CTSO: variants seen among roughly 807,000 people sequenced by gnomAD.
The protein encoded by CTSO is cathepsin O.
CTSO carries 40 observed loss-of-function variants against 42.4 expected under a neutral mutation model. That is an observed-to-expected ratio of 0.94 (90% CI 0.73 to 1.23). The LOEUF (loss-of-function observed/expected upper bound fraction) is 1.23. Among genes scored for constraint, CTSO ranks in the 50% most tolerant of loss-of-function variants. The probability of loss-of-function intolerance (pLI) is 0.00; values close to 1 mark genes in which losing one functional copy is unlikely to be tolerated. For missense variants in CTSO, 441 were observed against 396.0 expected, an observed-to-expected ratio of 1.11 and a Z score of -0.96; for synonymous variants, 156 against 146.2, an observed-to-expected ratio of 1.07 and a Z score of -0.48.
At position 155,939,407 on chromosome 4, in the gene CTSO, T is replaced by C; in HGVS notation, c.516A>G (p.Gly172=). 1 of 1,614,030 alleles carries C rather than the reference T, an allele frequency of 6.2e-7. No homozygotes were observed. Among genetic ancestry groups the C allele is most frequent in the Non-Finnish European group, 8.5e-7 (1 of 1,179,920 alleles). ...DCSYNNYGCN[G]GSTLNALNWL... ...AGTTCAAAGCATTGAGAGTAGAGCC[T>C]CCATTGCAGCCATAATTATTATACG... Residue 172 remains glycine (G), a synonymous_variant, in exon 4 of 8, where the codon GGA becomes GGG. Transcript: ENST00000433477.
At chr4:155,940,539 C>A (rs550632898) in intron 3 of CTSO, among the ~76,000 whole-genome samples, 2 of 152,282 alleles carry the variant, frequency 1.3e-5, no homozygotes, top group African/African-American at 4.8e-5. Context: ...GACCATACAG[C>A]AGGGTCTCCA....
Position 155,929,531 on chromosome 4 carries a change from T to C in CTSO, c.838+11A>G, listed in dbSNP as rs774219606. ...CTGGAAAGCAGTCAACTGAGTCTTATCAGCACTTACCTGTTTTATCAAACC... is the reference window on the plus strand; with the variant it reads ...CTGGAAAGCAGTCAACTGAGTCTTACCAGCACTTACCTGTTTTATCAAACC... On this transcript the variant is annotated intron_variant, in intron 6 of 7. Coordinates refer to ENST00000433477, the MANE Select transcript of CTSO (RefSeq NM_001334.3). The C allele has an allele frequency of 6.2e-7, 1 of 1,608,664 alleles. No individual in the cohort carries two copies.
At chr4:155,938,882 G>A (rs910814000) in intron 4 of CTSO, among the ~76,000 whole-genome samples, 4 of 152,064 alleles carry the variant, frequency 2.6e-5, no homozygotes, top group East Asian at 1.9e-4. Context: ...ACTTGAACCC[G>A]GGAGGTGGAG....
Position 155,939,483 on chromosome 4 carries a change from A to C in CTSO, c.440T>G (p.Ile147Arg). 1 of 1,614,172 alleles carries C rather than the reference A, an allele frequency of 6.2e-7. No homozygotes were observed. The highest frequency in any genetic ancestry group is 8.5e-7 in the Non-Finnish European group (1 of 1,179,998). The change falls in exon 4 of 8, where the codon ATA becomes AGA. Residue 147 changes from isoleucine (I) to arginine (R), a missense_variant. Coordinates refer to ENST00000433477, the MANE Select transcript of CTSO (RefSeq NM_001334.3). ...TAGGTCTTCCAGGGGCTTCCCCTTT[A>C]TTGCATAAGCAGATTCCACTGCCCC... ...VVGAVESAYAIKGKPLEDLSV... is the reference protein window; with the variant it reads ...VVGAVESAYARKGKPLEDLSV...
At position 155,952,756 on chromosome 4, in the gene CTSO, G is replaced by T. The variant is rs1394856126; in HGVS notation, c.135+957C>A. Among the ~76,000 whole-genome samples the T allele has an allele frequency of 2.0e-5, 3 of 152,186 alleles. No homozygotes were observed. The East Asian group carries it at 5.8e-4, about 29-fold the overall frequency. ...GAAAAGAGCACAGCTATGAAATCCT[G>T]TGAGAAATTCCAACAAACACCAGGA... is the stretch of plus-strand genomic sequence containing the variant. On this transcript the variant is annotated intron_variant, in intron 1 of 7. Coordinates refer to ENST00000433477, the MANE Select transcript of CTSO (RefSeq NM_001334.3).
intron 1 of CTSO, among the ~76,000 whole-genome samples, chr4:155,946,840 T>C (rs2110933476): frequency 6.6e-6 from 1 of 152,326 alleles, no homozygotes; most frequent in Middle Eastern, 3.4e-3. Flanking sequence ...TGGAGGCTTC[T>C]GAACACAGCG....
chr4:155,934,580 C>T (rs1388916022), intron 5 of CTSO, among the ~76,000 whole-genome samples: 1 of 152,196 alleles, frequency 6.6e-6, no homozygotes, highest in African/African-American at 2.4e-5. Flanking sequence ...AGCACAGAGG[C>T]AGAGGTGCTC....
Position 155,929,653 on chromosome 4 carries a change from C to T in CTSO, c.727G>A (p.Val243Ile). ...KALLTFGPLV[V>I]IVDAVSWQDY... ...TGCCAGCTCACTGCATCTACTATGACTACCAAAGGGCCAAAGGTAAGAAGT... is the reference window on the plus strand; with the variant it reads ...TGCCAGCTCACTGCATCTACTATGATTACCAAAGGGCCAAAGGTAAGAAGT... The change falls in exon 6 of 8, where the codon GTC (valine) becomes ATC (isoleucine). Residue 243 changes from valine to isoleucine, a missense_variant. Val to Ile is a conservative substitution (Grantham distance 29, BLOSUM62 3). Transcript: ENST00000433477. 6.2e-7 allele frequency: 1 copy of T among 1,613,966 alleles called. No individual in the cohort carries two copies. Among genetic ancestry groups the T allele is most frequent in the Non-Finnish European group, 8.5e-7 (1 of 1,179,986 alleles).
chr4:155,949,083 T>C (rs1743601061), intron 1 of CTSO, among the ~76,000 whole-genome samples: 1 of 152,246 alleles, frequency 6.6e-6, no homozygotes, highest in Non-Finnish European at 1.5e-5. Flanking sequence ...CTGAATGCAC[T>C]AAATACAAAG....
At chr4:155,948,176 C>CTGATTA (rs1478288694) in intron 1 of CTSO, among the ~76,000 whole-genome samples, 1 of 151,990 alleles carries the variant, frequency 6.6e-6, no homozygotes, top group African/African-American at 2.4e-5. Context: ...AGAAATTATC[C>CTGATTA]TGATTATAAA....
rs568834958 is a variant in CTSO at position 155,946,667 on chromosome 4, GCC to G, written c.136-3405_136-3404del. Among the ~76,000 whole-genome samples, 806 of 152,154 alleles carry G rather than the reference GCC, an allele frequency of 5.3e-3. 7 individuals are homozygous for G. The highest frequency in any genetic ancestry group is 0.019 in the African/African-American group (778 of 41,506). The stretch of plus-strand genomic sequence containing the variant: ...TCCTGTCATTTCACAGCTCTCCATA[GCC>G]CATGTCAGGGCTACTCAATCTTTAT... On this transcript the variant is annotated intron_variant, in intron 1 of 7. Coordinates refer to ENST00000433477, the MANE Select transcript of CTSO (RefSeq NM_001334.3).
At chr4:155,928,240 A>T in intron 7 of CTSO, 96 bp downstream of exon 7, 1 of 759,330 alleles carries the variant, frequency 1.3e-6, no homozygotes, top group Non-Finnish European at 2.0e-6. Context: ...AAAAATTATT[A>T]CTGCTAAAGT....
At position 155,925,955 on chromosome 4, in the gene CTSO, G is replaced by A; in HGVS notation, c.*81C>T. ...TAGGTAGTTGCTGAAACTTGAAGTTGAATAATACTTTGAAGTACTATGTTA... is the reference window on the plus strand; with the variant it reads ...TAGGTAGTTGCTGAAACTTGAAGTTAAATAATACTTTGAAGTACTATGTTA... On this transcript the variant is annotated 3_prime_UTR_variant, in exon 8 of 8. Coordinates refer to ENST00000433477, the MANE Select transcript of CTSO (RefSeq NM_001334.3). The A allele has an allele frequency of 1.7e-6, 2 of 1,208,274 alleles. No individual in the cohort carries two copies. Among genetic ancestry groups the A allele is most frequent in the Non-Finnish European group, 2.4e-6 (2 of 835,504 alleles). The allele number at this position is 1,208,274 out of a possible 1,614,324, so 74.8% of individuals were successfully genotyped here.
chr4:155,945,482 A>G (rs1743525831), intron 1 of CTSO, among the ~76,000 whole-genome samples: 1 of 152,204 alleles, frequency 6.6e-6, no homozygotes, highest in Admixed American at 6.5e-5. Context: ...AGAAAACTTG[A>G]GCAGCCTTTT....
chr4:155,942,170 A>G (rs1664274185), intron 3 of CTSO, 147 bp downstream of exon 3: 1 of 601,110 alleles, frequency 1.7e-6, no homozygotes, highest in South Asian at 3.9e-5. Context: ...ATTCCTCCAG[A>G]GATTCTCTTT....
Position 155,929,670 on chromosome 4 carries a change from G to A in CTSO, c.710C>T (p.Thr237Ile), listed in dbSNP as rs796706035. ...TACTATGACTACCAAAGGGCCAAAGGTAAGAAGTGCTTTTGCCATTTCATC... is the reference window on the plus strand; with the variant it reads ...TACTATGACTACCAAAGGGCCAAAGATAAGAAGTGCTTTTGCCATTTCATC... Reference protein sequence around the residue: ...QEDEMAKALLTFGPLVVIVDA... With the variant: ...QEDEMAKALLIFGPLVVIVDA... Residue 237 changes from threonine to isoleucine, a missense_variant, in exon 6 of 8, where the codon ACC (threonine) becomes ATC (isoleucine). Transcript: ENST00000433477. 1 of 1,613,208 alleles carries A rather than the reference G, an allele frequency of 6.2e-7. No individual in the cohort carries two copies. Among genetic ancestry groups the A allele is most frequent in the East Asian group, 2.2e-5 (1 of 44,882 alleles).
intron 5 of CTSO, among the ~76,000 whole-genome samples, chr4:155,931,840 AATT>A (rs1466265491): frequency 6.6e-6 from 1 of 150,906 alleles, no homozygotes; most frequent in Non-Finnish European, 1.5e-5. Flanking sequence ...AATGAATTAT[AATT>A]ATTATTCATT....
chr4:155,931,422 G>T (rs1560785023), intron 5 of CTSO, among the ~76,000 whole-genome samples: 1 of 152,018 alleles, frequency 6.6e-6, no homozygotes, highest in Non-Finnish European at 1.5e-5. Context: ...TGACATTGCA[G>T]AATCAAAGAA....
At chr4:155,931,870 GAAT>G (rs1441658358) in intron 5 of CTSO, among the ~76,000 whole-genome samples, 10 of 150,368 alleles carry the variant, frequency 6.7e-5, no homozygotes, top group Admixed American at 2.7e-4. Context: ...ATAATGAATG[GAAT>G]AATAATAATA....
Sources: allele counts gnomAD v4.1 joint callset (sites outside exome capture counted in the v4.1 genomes callset), GRCh38; gene constraint gnomAD v4.1.1; transcripts MANE v1.5; gene names NCBI Gene and HGNC (gene_info 2026-07-23, HGNC 2026-07-21).